Variants in ROBO1 observed in about 807,000 individuals in gnomAD.
ROBO1 encodes roundabout homolog 1.
In ROBO1, 149 loss-of-function variants were observed where a neutral mutation model predicts 195.9. The ratio of observed to expected loss-of-function variants is 0.76; its 90% confidence interval spans 0.67 to 0.87. The LOEUF (loss-of-function observed/expected upper bound fraction) is 0.87. ROBO1 is among the 40% of genes least tolerant of loss of function. ROBO1 has a pLI of 0.00. For missense variants in ROBO1, 1,933 were observed against 2,068.3 expected (o/e 0.93, Z 1.27); for synonymous variants, 816 against 733.2 (o/e 1.11, Z -1.82).
intron 2 of ROBO1, among the ~76,000 whole-genome samples, chr3:79,428,487 C>T (rs1052279048): frequency 1.3e-5 from 2 of 152,084 alleles, no homozygotes; most frequent in African/African-American, 4.8e-5. Context: ...TTGTTATCAT[C>T]CTCATTATTA....
chr3:79,338,037 T>C (rs2034748278), intron 2 of ROBO1, among the ~76,000 whole-genome samples: 1 of 152,208 alleles, frequency 6.6e-6, no homozygotes, highest in Non-Finnish European at 1.5e-5. Flanking sequence ...TTGTAAACTA[T>C]ATATAAAGGT....
chr3:78,757,084 G>A (rs1360772265), intron 4 of ROBO1, among the ~76,000 whole-genome samples: 6 of 152,058 alleles, frequency 3.9e-5, no homozygotes, highest in Non-Finnish European at 7.4e-5. Context: ...TAGAGACAGG[G>A]TTTCGCAATG....
intron 2 of ROBO1, among the ~76,000 whole-genome samples, chr3:79,270,717 A>G (rs2030471776): frequency 6.6e-6 from 1 of 151,926 alleles, no homozygotes; most frequent in African/African-American, 2.4e-5. Context: ...AGGGCTGCCA[A>G]TTTATGACCT....
chr3:79,357,020 C>T (rs1674283105), intron 2 of ROBO1, among the ~76,000 whole-genome samples: 2 of 152,106 alleles, frequency 1.3e-5, no homozygotes, highest in East Asian at 3.9e-4. Context: ...AATTCAGGGA[C>T]TCATGATAGT....
At chr3:79,022,759 G>T (rs969541931) in intron 3 of ROBO1, among the ~76,000 whole-genome samples, 9 of 152,116 alleles carry the variant, frequency 5.9e-5, no homozygotes, top group African/African-American at 1.7e-4. Context: ...TCCACTTAGA[G>T]AATTCTCATC....
intron 4 of ROBO1, among the ~76,000 whole-genome samples, chr3:78,825,925 G>C (rs984423374): frequency 1.3e-5 from 2 of 152,114 alleles, no homozygotes; most frequent in African/African-American, 4.8e-5. Context: ...TATTCACAAA[G>C]ATTACTTTGC....
intron 2 of ROBO1, among the ~76,000 whole-genome samples, chr3:79,215,461 C>T (rs2077753): frequency 0.41 from 62,138 of 151,834 alleles, 15,077 homozygotes; most frequent in East Asian, 0.56. Flanking sequence ...TCCCCTACTC[C>T]GACCCAACAA....
intron 1 of ROBO1, 24 bp from the exon 2 acceptor site, chr3:79,589,985 T>C: frequency 9.7e-7 from 1 of 1,027,126 alleles, no homozygotes; most frequent in Non-Finnish European, 1.5e-6. Flanking sequence ...AAAAATATTA[T>C]TTTGTAATGG....
At chr3:79,236,793 T>C (rs907090945) in intron 2 of ROBO1, among the ~76,000 whole-genome samples, 4 of 152,128 alleles carry the variant, frequency 2.6e-5, no homozygotes, top group Admixed American at 6.5e-5. Context: ...AAATTAAAGA[T>C]AGTGAGCATA....
At chr3:79,188,137 T>G (rs1443428714) in intron 2 of ROBO1, among the ~76,000 whole-genome samples, 1 of 151,892 alleles carries the variant, frequency 6.6e-6, no homozygotes, top group African/African-American at 2.4e-5. Context: ...GGATAAAGAG[T>G]GACAAAATGT....
intron 2 of ROBO1, among the ~76,000 whole-genome samples, chr3:79,362,129 C>T (rs559998962): frequency 1.3e-5 from 2 of 152,058 alleles, no homozygotes; most frequent in East Asian, 3.9e-4. Context: ...TTAAGTCTAA[C>T]ATTTAATTAT....
intron 3 of ROBO1, among the ~76,000 whole-genome samples, chr3:79,040,477 G>C (rs1411575677): frequency 6.6e-6 from 1 of 152,048 alleles, no homozygotes; most frequent in African/African-American, 2.4e-5. Flanking sequence ...GGATGAAATT[G>C]CCTACTCATT....
At chr3:78,639,628 T>G in intron 22 of ROBO1, 116 bp downstream of exon 22, 1 of 993,018 alleles carries the variant, frequency 1.0e-6, no homozygotes, top group South Asian at 2.1e-5. Flanking sequence ...ATAGTCAGCA[T>G]TGGATAAAAT....
intron 1 of ROBO1, among the ~76,000 whole-genome samples, chr3:79,660,047 C>T (rs990068708): frequency 7.2e-5 from 11 of 151,936 alleles, no homozygotes; most frequent in African/African-American, 2.7e-4. Flanking sequence ...GAGAATTAAT[C>T]TGATGTGGGT....
intron 2 of ROBO1, among the ~76,000 whole-genome samples, chr3:79,315,799 A>T (rs1207356263): frequency 6.6e-6 from 1 of 152,224 alleles, no homozygotes. Context: ...GCAACTGCCA[A>T]CATACACATA....
chr3:79,750,404 G>T (rs1390082045), intron 1 of ROBO1, among the ~76,000 whole-genome samples: 3 of 152,176 alleles, frequency 2.0e-5, no homozygotes, highest in Non-Finnish European at 2.9e-5. Flanking sequence ...AGCTCTGGGG[G>T]ACTGTTAGGA....
At chr3:78,712,555 TG>T (rs2081789404) in intron 8 of ROBO1, among the ~76,000 whole-genome samples, 1 of 152,244 alleles carries the variant, frequency 6.6e-6, no homozygotes, top group African/African-American at 2.4e-5. Context: ...ATGTTAAAGA[TG>T]TTTTAACAGT....
chr3:78,643,812 G>C (rs1706115474), intron 21 of ROBO1, among the ~76,000 whole-genome samples: 1 of 152,126 alleles, frequency 6.6e-6, no homozygotes, highest in South Asian at 2.1e-4. Context: ...TATAGATAAA[G>C]GTAGGACTCC....
intron 2 of ROBO1, among the ~76,000 whole-genome samples, chr3:79,208,873 C>T (rs1362917912): frequency 1.3e-5 from 2 of 151,776 alleles, no homozygotes; most frequent in East Asian, 1.9e-4. Context: ...CTGCCATACT[C>T]GGAGGGCAAG....
Sources: gnomAD v4.1 joint callset for allele counts (sites outside exome capture counted in the v4.1 genomes callset) on GRCh38, gnomAD v4.1.1 for gene constraint, MANE v1.5 for transcripts, NCBI Gene and HGNC (gene_info 2026-07-23, HGNC 2026-07-21) for gene names.